FAM227B: variants seen among roughly 807,000 people sequenced by gnomAD.
FAM227B encodes the protein protein FAM227B.
A neutral mutation model predicts 73.8 loss-of-function variants in FAM227B; 88 were observed. The ratio of observed to expected loss-of-function variants is 1.19; its 90% CI spans 1.00 to 1.42. The LOEUF (loss-of-function observed/expected upper bound fraction) is 1.42, where lower values mean the gene tolerates loss of function less well. Ranked by LOEUF, FAM227B falls within the 40% of genes most tolerant of loss-of-function variation. FAM227B has a pLI of 0.00. For missense variants in FAM227B, 632 were observed against 590.9 expected, an observed-to-expected ratio of 1.07 and a Z score of -0.72; for synonymous variants, 210 against 190.5, an observed-to-expected ratio of 1.10 and a Z score of -0.84.
intron 11 of FAM227B, among the ~76,000 whole-genome samples, chr15:49,372,282 G>T (rs990915759): frequency 2.0e-5 from 3 of 151,456 alleles, no homozygotes; most frequent in East Asian, 3.9e-4. Context: ...ATAAATAAAT[G>T]AAATAAAATT....
At position 49,328,012 on chromosome 15, in the gene FAM227B, A is replaced by C; in HGVS notation, c.*556T>G. The C allele has an allele frequency of 6.2e-7, 1 of 1,613,988 alleles. No individual in the cohort carries two copies. The highest frequency in any genetic ancestry group is 1.1e-5 in the South Asian group (1 of 91,078). On this transcript the variant is annotated 3_prime_UTR_variant, in exon 16 of 16. Transcript: ENST00000299338. ...CAGGATGGGGAGGCTGCACAGTATC[A>C]ATGGTACCTGCGGACAAGCTGCCCA...
intron 11 of FAM227B, among the ~76,000 whole-genome samples, chr15:49,475,260 GTTTA>G (rs2081668543): frequency 1.3e-5 from 2 of 152,172 alleles, no homozygotes; most frequent in Non-Finnish European, 1.5e-5. Flanking sequence ...GCAATTAGGA[GTTTA>G]TTCATGAGTT....
chr15:49,409,534 T>C (rs2048740236), intron 11 of FAM227B, among the ~76,000 whole-genome samples: 1 of 149,998 alleles, frequency 6.7e-6, no homozygotes, highest in African/African-American at 2.4e-5. Flanking sequence ...TATATGTATA[T>C]ATAAATAGGA....
At chr15:49,450,629 A>G (rs1391985259) in intron 11 of FAM227B, among the ~76,000 whole-genome samples, 1 of 152,184 alleles carries the variant, frequency 6.6e-6, no homozygotes, top group Non-Finnish European at 1.5e-5. Flanking sequence ...GGCTGCAGCC[A>G]GCAAGAGTCT....
At chr15:49,464,762 T>G (rs1316060415) in intron 11 of FAM227B, among the ~76,000 whole-genome samples, 1 of 152,128 alleles carries the variant, frequency 6.6e-6, no homozygotes, top group East Asian at 1.9e-4. Context: ...ACAGAACACA[T>G]AGTATCTCCG....
At chr15:49,415,183 G>C (rs1179986370) in intron 11 of FAM227B, among the ~76,000 whole-genome samples, 1 of 152,070 alleles carries the variant, frequency 6.6e-6, no homozygotes, top group Non-Finnish European at 1.5e-5. Flanking sequence ...AAGAAAAATT[G>C]CTATTGCTAG....
At chr15:49,582,364 C>T (rs1200795743) in intron 5 of FAM227B, among the ~76,000 whole-genome samples, 1 of 151,988 alleles carries the variant, frequency 6.6e-6, no homozygotes, top group Non-Finnish European at 1.5e-5. Flanking sequence ...TTTAAACCAA[C>T]AAAAATCAAA....
At chr15:49,386,247 G>T (rs1354327232) in intron 11 of FAM227B, among the ~76,000 whole-genome samples, 1 of 151,148 alleles carries the variant, frequency 6.6e-6, no homozygotes, top group East Asian at 1.9e-4. Context: ...CATATAATAG[G>T]CCATAAAACA....
At chr15:49,586,958 G>GGAA (rs1364764645) in intron 5 of FAM227B, among the ~76,000 whole-genome samples, 21 of 152,174 alleles carry the variant, frequency 1.4e-4, no homozygotes, top group Non-Finnish European at 2.5e-4. Context: ...AGCCACTGTG[G>GGAA]GAAGCAGTTT....
chr15:49,439,838 A>C (rs566029224), intron 11 of FAM227B, among the ~76,000 whole-genome samples: 7 of 151,898 alleles, frequency 4.6e-5, no homozygotes, highest in African/African-American at 1.7e-4. Flanking sequence ...TGTATGAAAC[A>C]AAGACAACTC....
chr15:49,417,199 C>T (rs967571046), intron 11 of FAM227B, among the ~76,000 whole-genome samples: 3 of 152,014 alleles, frequency 2.0e-5, no homozygotes, highest in African/African-American at 2.4e-5. Flanking sequence ...TGAGACCAGC[C>T]TGGGCAACAA....
intron 8 of FAM227B, among the ~76,000 whole-genome samples, chr15:49,572,314 G>C (rs1567607610): frequency 6.6e-6 from 1 of 151,794 alleles, no homozygotes; most frequent in Non-Finnish European, 1.5e-5. Context: ...TTTTCTATTA[G>C]GATACTTTTA....
chr15:49,413,815 A>C (rs1221999491), intron 11 of FAM227B, among the ~76,000 whole-genome samples: 1 of 150,984 alleles, frequency 6.6e-6, no homozygotes, highest in Non-Finnish European at 1.5e-5. Flanking sequence ...AGAACACAAC[A>C]AGCTCATTTT....
At chr15:49,334,583 AG>A (rs2039372088) in intron 14 of FAM227B, among the ~76,000 whole-genome samples, 1 of 151,456 alleles carries the variant, frequency 6.6e-6, no homozygotes, top group Non-Finnish European at 1.5e-5. Flanking sequence ...AAGCACAGGA[AG>A]TCTAAGGGAT....
At chr15:49,580,511 A>G (rs1415915632) in intron 5 of FAM227B, among the ~76,000 whole-genome samples, 3 of 152,240 alleles carry the variant, frequency 2.0e-5, no homozygotes, top group Non-Finnish European at 2.9e-5. Context: ...ACTACACCAC[A>G]GTTAAAGGAA....
At chr15:49,505,589 T>C (rs2058519567) in intron 11 of FAM227B, among the ~76,000 whole-genome samples, 2 of 152,092 alleles carry the variant, frequency 1.3e-5, no homozygotes, top group African/African-American at 4.8e-5. Flanking sequence ...TAACTTTAGA[T>C]AGTATTTTGA....
chr15:49,577,780 C>A, intron 5 of FAM227B, 116 bp from the exon 6 acceptor site: 1 of 537,308 alleles, frequency 1.9e-6, no homozygotes, highest in South Asian at 3.4e-5. Flanking sequence ...GTATATATAT[C>A]CTACAGAGGC....
At chr15:49,579,860 T>G (rs2075702181) in intron 5 of FAM227B, among the ~76,000 whole-genome samples, 1 of 152,152 alleles carries the variant, frequency 6.6e-6, no homozygotes, top group South Asian at 2.1e-4. Context: ...TCATTACACA[T>G]TGCATGCATG....
intron 2 of FAM227B, among the ~76,000 whole-genome samples, chr15:49,613,269 C>T (rs1598571178): frequency 6.6e-6 from 1 of 152,156 alleles, no homozygotes; most frequent in Non-Finnish European, 1.5e-5. Context: ...AATCCCAGCA[C>T]TTTGGGAGGC....
Sources: allele counts gnomAD v4.1 joint callset (sites outside exome capture counted in the v4.1 genomes callset), GRCh38; gene constraint gnomAD v4.1.1; transcripts MANE v1.5; gene names NCBI Gene and HGNC (gene_info 2026-07-23, HGNC 2026-07-21).